The following NUP93 variants were observed in gnomAD, a reference collection of about 807,000 sequenced individuals.
NUP93 encodes nuclear pore complex protein Nup93.
In NUP93, 55 loss-of-function variants were observed where a neutral mutation model predicts 107.8. The observed-to-expected ratio is 0.51, with a 90% CI of 0.41 to 0.64. NUP93 has a LOEUF of 0.64. Ranked by LOEUF, NUP93 falls within the 30% of genes least tolerant of loss-of-function variation. The pLI is 0.00. For missense variants in NUP93, 937 were observed against 1,044.7 expected, an observed-to-expected ratio of 0.90 and a Z score of 1.42; for synonymous variants, 390 against 397.5, an observed-to-expected ratio of 0.98 and a Z score of 0.22.
At position 56,839,602 on chromosome 16, in the gene NUP93, G is replaced by T. The variant is rs1204168101; in HGVS notation, c.2218G>T (p.Glu740Ter). The change falls in exon 20 of 22, where the codon GAA (glutamate) becomes TAA (stop). Residue 740 changes from glutamate to a stop codon, truncating the protein, a stop_gained and splice_region_variant. Transcript: ENST00000308159. LOFTEE classifies it high-confidence loss of function. ...RVAAFRNFSD[E>*]IRHNLSEVLL... The stretch of plus-strand genomic sequence containing the variant: ...GGCTGCCTTCAGAAATTTCAGTGAT[G>T]AAGTAAGTTCCTTCTTCCTGAGTTG... The T allele has an allele frequency of 6.2e-7, 1 of 1,611,482 alleles. No individual in the cohort carries two copies. Among genetic ancestry groups the T allele is most frequent in the Non-Finnish European group, 8.5e-7 (1 of 1,177,808 alleles).
At chr16:56,831,254 T>G (rs1402089992) in intron 10 of NUP93, among the ~76,000 whole-genome samples, 1 of 152,222 alleles carries the variant, frequency 6.6e-6, no homozygotes, top group African/African-American at 2.4e-5. Flanking sequence ...AGGTTATATA[T>G]ATGTACATGT....
chr16:56,832,182 A>G, intron 11 of NUP93, 113 bp from the exon 12 acceptor site: 1 of 1,249,472 alleles, frequency 8.0e-7, no homozygotes, highest in Non-Finnish European at 1.2e-6. Context: ...CCATAGCCTT[A>G]AACACAGCTT....
At chr16:56,816,402 T>C (rs1487899904) in intron 5 of NUP93, among the ~76,000 whole-genome samples, 1 of 152,190 alleles carries the variant, frequency 6.6e-6, no homozygotes, top group Non-Finnish European at 1.5e-5. Context: ...TCTGCAGGTG[T>C]GGAGAGTGTT....
rs765149221 is a variant in NUP93 at position 56,823,720 on chromosome 16, T to C, written c.668T>C (p.Met223Thr). ...AELDDKSISD[M>T]WTMVKQMTDV... Reference sequence around the variant, plus strand: ...ATTTATGTGCAGAGCATTTCCGACATGTGGACCATGGTAAAACAAATGACA... The same window carrying C: ...ATTTATGTGCAGAGCATTTCCGACACGTGGACCATGGTAAAACAAATGACA... The change falls in exon 8 of 22, where the codon ATG becomes ACG. Residue 223 changes from methionine to threonine, a missense_variant. Transcript: ENST00000308159. 1.6e-5 allele frequency: 26 copies of C among 1,613,986 alleles called. No individual in the cohort carries two copies. Among genetic ancestry groups the C allele is most frequent in the African/African-American group, 2.7e-5 (2 of 74,914 alleles).
At chr16:56,763,487 TGTGTGTGTGTGGGTGG>T (rs1962162639) in intron 3 of NUP93, among the ~76,000 whole-genome samples, 1 of 150,562 alleles carries the variant, frequency 6.6e-6, no homozygotes, top group Admixed American at 6.6e-5. Context: ...ACTGCTTGTG[TGTGTGTGTGTGGGTGG>T]GTGTGTGTGT....
intron 1 of NUP93, among the ~76,000 whole-genome samples, chr16:56,731,191 T>C (rs10852551): frequency 0.6 from 90,581 of 151,874 alleles, 27,857 homozygotes; most frequent in East Asian, 0.84. Flanking sequence ...CACCCCTGAC[T>C]TTTATCCAGC....
intron 16 of NUP93, among the ~76,000 whole-genome samples, chr16:56,835,870 T>C (rs553571214): frequency 3.3e-5 from 5 of 152,128 alleles, no homozygotes; most frequent in South Asian, 2.1e-4. Context: ...GGCTCACGCC[T>C]GTAATCCCAG....
intron 8 of NUP93, among the ~76,000 whole-genome samples, chr16:56,825,741 A>C (rs1402864842): frequency 6.6e-6 from 1 of 152,090 alleles, no homozygotes; most frequent in Non-Finnish European, 1.5e-5. Flanking sequence ...TCTTGGAGCT[A>C]TTTGGGAATT....
rs567027753 is a variant in NUP93, at chr16:56,821,576, G to C, written c.637G>C (p.Ala213Pro). ...CCTGGTGGACCTTTGTGCTTCCGTCGCAGAGCTCGATGATAAGGTAGCACC... is the reference window on the plus strand; with the variant it reads ...CCTGGTGGACCTTTGTGCTTCCGTCCCAGAGCTCGATGATAAGGTAGCACC... ...PNLVDLCASV[A>P]ELDDKSISDM... The change falls in exon 7 of 22, where the codon GCA becomes CCA. Residue 213 changes from alanine to proline, a missense_variant. Coordinates refer to ENST00000308159, the MANE Select transcript of NUP93 (RefSeq NM_014669.5). 1 of 1,612,082 alleles carries C rather than the reference G, an allele frequency of 6.2e-7. No homozygotes were observed. Among genetic ancestry groups the C allele is most frequent in the Non-Finnish European group, 8.5e-7 (1 of 1,178,414 alleles).
At chr16:56,769,479 G>A (rs549837574) in intron 3 of NUP93, among the ~76,000 whole-genome samples, 4 of 152,186 alleles carry the variant, frequency 2.6e-5, no homozygotes, top group East Asian at 3.9e-4. Context: ...TGCTTCATCC[G>A]TTTATCTCCA....
chr16:56,785,215 G>A (rs892297856), intron 3 of NUP93, among the ~76,000 whole-genome samples: 4 of 152,154 alleles, frequency 2.6e-5, no homozygotes, highest in Non-Finnish European at 5.9e-5. Flanking sequence ...GATGACATGG[G>A]GGGTATCACA....
intron 3 of NUP93, among the ~76,000 whole-genome samples, chr16:56,784,635 T>G (rs6499852): frequency 0.77 from 116,741 of 152,108 alleles, 45,091 homozygotes; most frequent in East Asian, 0.95. Context: ...AAAGGCTGAA[T>G]AATTTTTATC....
chr16:56,778,238 G>C (rs528870558), intron 3 of NUP93, among the ~76,000 whole-genome samples: 8 of 152,300 alleles, frequency 5.3e-5, no homozygotes, highest in Admixed American at 5.2e-4. Context: ...AAATGAAATG[G>C]GTTTAGCTTG....
chr16:56,848,337 C>T lies in NUP93; in HGVS notation c.*3728C>T, dbSNP rs1964138858. 6.6e-6 allele frequency: 1 copy of T among 152,178 alleles called. No individual in the cohort carries two copies. 9.4% of individuals were successfully genotyped at this position (152,178 alleles called of 1,614,324 possible). A position where few individuals can be genotyped will look rare whatever the true frequency, so the allele number is the denominator to read the frequency against. The stretch of plus-strand genomic sequence containing the variant: ...GGAAAGGAATTGAGCCCTGTGTCAG[C>T]AAATTGGGAGAAAGTGTTACATATA... On this transcript the variant is annotated 3_prime_UTR_variant, in exon 22 of 22. Transcript: ENST00000308159.
chr16:56,818,900 A>G (rs1963489370), intron 6 of NUP93, among the ~76,000 whole-genome samples, 162 bp downstream of exon 6: 1 of 152,248 alleles, frequency 6.6e-6, no homozygotes. Flanking sequence ...GGAGAATTCT[A>G]TCAAATAGGG....
At chr16:56,781,464 A>G (rs1962512922) in intron 3 of NUP93, among the ~76,000 whole-genome samples, 1 of 152,184 alleles carries the variant, frequency 6.6e-6, no homozygotes, top group African/African-American at 2.4e-5. Context: ...AAAATGGCAG[A>G]ATCTGTCTGC....
chr16:56,826,410 G>T (rs1351813041), intron 8 of NUP93, among the ~76,000 whole-genome samples: 1 of 151,906 alleles, frequency 6.6e-6, no homozygotes, highest in South Asian at 2.1e-4. Flanking sequence ...CAGCTACTTG[G>T]GAGACTGAGA....
intron 3 of NUP93, among the ~76,000 whole-genome samples, chr16:56,793,442 G>A (rs1359086963): frequency 6.6e-6 from 1 of 152,138 alleles, no homozygotes; most frequent in African/African-American, 2.4e-5. Context: ...GAACTGTTGG[G>A]CCTTTTCTGT....
At position 56,823,746 on chromosome 16, in the gene NUP93, G is replaced by T. The variant is rs777072541; in HGVS notation, c.694G>T (p.Asp232Tyr). The change falls in exon 8 of 22, where the codon GAC (aspartate) becomes TAC (tyrosine). Residue 232 changes from aspartate to tyrosine, a missense_variant. Transcript: ENST00000308159. ...DMWTMVKQMT[D>Y]VLLTPATDAL... ...GTGGACCATGGTAAAACAAATGACA[G>T]ACGTGTTGTTGACACCGGCAACGGA... 1 of 1,614,208 alleles carries T rather than the reference G, an allele frequency of 6.2e-7. No homozygotes were observed. Among genetic ancestry groups the T allele is most frequent in the Non-Finnish European group, 8.5e-7 (1 of 1,180,020 alleles).
Sources: gnomAD v4.1 joint callset for allele counts (sites outside exome capture counted in the v4.1 genomes callset) on GRCh38, gnomAD v4.1.1 for gene constraint, MANE v1.5 for transcripts, NCBI Gene and HGNC (gene_info 2026-07-23, HGNC 2026-07-21) for gene names.